The following TMIGD3 variants were observed in gnomAD, a reference collection of about 807,000 sequenced individuals.
TMIGD3 encodes the protein AD026 protein (AD026).
A neutral mutation model predicts 28.1 loss-of-function variants in TMIGD3; 21 were observed. That is an observed-to-expected ratio of 0.75 (90% confidence interval 0.53 to 1.08). The LOEUF (loss-of-function observed/expected upper bound fraction) is 1.08. Among genes scored for constraint, TMIGD3 ranks in the 50% least tolerant of loss-of-function variants. The probability of loss-of-function intolerance (pLI) is 0.00; values close to 1 mark genes in which losing one functional copy is unlikely to be tolerated. For missense variants in TMIGD3, 416 were observed against 435.6 expected, an observed-to-expected ratio of 0.96 and a Z score of 0.40; for synonymous variants, 151 against 162.1, an observed-to-expected ratio of 0.93 and a Z score of 0.52.
At chr1:111,506,136 A>G (rs1655482026), upstream of TMIGD3, among the ~76,000 whole-genome samples, 1 of 152,194 alleles carries the variant, frequency 6.6e-6, no homozygotes, top group Admixed American at 6.5e-5. Flanking sequence ...CTCTGGGACC[A>G]CACTGTGCTG....
intron 1 of TMIGD3, among the ~76,000 whole-genome samples, chr1:111,502,778 C>G (rs1230776119): frequency 6.6e-6 from 1 of 151,914 alleles, no homozygotes; most frequent in Admixed American, 6.6e-5. Flanking sequence ...GCACCCACCC[C>G]TAGTCAGTGG....
At chr1:111,500,382 G>A (rs1437525575) in intron 1 of TMIGD3, 1 of 1,614,222 alleles carries the variant, frequency 6.2e-7, no homozygotes, top group Non-Finnish European at 8.5e-7. Flanking sequence ...ATACCATGTA[G>A]TCCATTCTCA....
At chr1:111,495,930 C>G (rs1000805389) in intron 1 of TMIGD3, among the ~76,000 whole-genome samples, 3 of 152,134 alleles carry the variant, frequency 2.0e-5, no homozygotes, top group Non-Finnish European at 4.4e-5. Flanking sequence ...TGCATGTCCT[C>G]CCTTATAAGT....
At chr1:111,522,605 C>G (rs1656111839) in intron 1 of TMIGD3, among the ~76,000 whole-genome samples, 1 of 151,832 alleles carries the variant, frequency 6.6e-6, no homozygotes, top group African/African-American at 2.4e-5. Context: ...CAACCTCCAC[C>G]TCCTGGGTTC....
chr1:111,503,246 C>T lies in TMIGD3; in HGVS notation c.109G>A (p.Val37Ile), dbSNP rs140736286. ...IVGNVLVICVVKLNPSLQTTT... is the reference protein window; with the variant it reads ...IVGNVLVICVIKLNPSLQTTT... ...GTCTGCAGGCTGGGGTTCAGCTTGACCACGCAGATGACCAGCACGTTGCCC... is the reference window on the plus strand; with the variant it reads ...GTCTGCAGGCTGGGGTTCAGCTTGATCACGCAGATGACCAGCACGTTGCCC... The change falls in exon 1 of 6, where the codon GTC (valine) becomes ATC (isoleucine). Residue 37 changes from valine to isoleucine, a missense_variant. Coordinates refer to ENST00000369716, the MANE Select transcript of TMIGD3 (RefSeq NM_020683.7). The T allele has an allele frequency of 4.3e-6, 7 of 1,614,104 alleles. No individual in the cohort carries two copies. The African/African-American group carries it at 8.0e-5, about 18-fold the overall frequency.
intron 1 of TMIGD3, among the ~76,000 whole-genome samples, chr1:111,524,441 T>TG (rs1306007404): frequency 2.0e-5 from 3 of 152,216 alleles, no homozygotes; most frequent in African/African-American, 7.2e-5. Context: ...TCTACCACAC[T>TG]GGGTGAAATA....
intron 1 of TMIGD3, among the ~76,000 whole-genome samples, chr1:111,533,377 A>C (rs1656518358): frequency 6.6e-6 from 1 of 152,246 alleles, no homozygotes; most frequent in South Asian, 2.1e-4. Context: ...AATTGTAAAC[A>C]AGTAATAAAA....
chr1:111,558,921 A>G (rs995255386), intron 1 of TMIGD3, among the ~76,000 whole-genome samples: 4 of 152,200 alleles, frequency 2.6e-5, no homozygotes, highest in Non-Finnish European at 2.9e-5. Context: ...AAACGTAGTA[A>G]CAAGTGAAAA....
At chr1:111,536,956 C>T (rs1399593049) in intron 1 of TMIGD3, among the ~76,000 whole-genome samples, 1 of 152,204 alleles carries the variant, frequency 6.6e-6, no homozygotes, top group Non-Finnish European at 1.5e-5. Context: ...AACATTGCAC[C>T]AGTCATGCCA....
At position 111,485,653 on chromosome 1, in the gene TMIGD3, C is replaced by G. The variant is rs113975311; in HGVS notation, c.973+87G>C. The G allele has an allele frequency of 1.9e-3, 2,007 of 1,053,922 alleles. 17 individuals carry two copies. The Middle Eastern group carries it at 0.02, about 10-fold the overall frequency. The allele number at this position is 1,053,922 out of a possible 1,614,324, so 65.3% of individuals were successfully genotyped here. A position where few individuals can be genotyped will look rare whatever the true frequency, so the allele number is the denominator to read the frequency against. ...GGTGACCAGGCAATATGAAGAGGCT[C>G]TCATTCACTCATTTGAAATCTGCTC... On this transcript the variant is annotated intron_variant, in intron 5 of 5. Transcript: ENST00000369716.
chr1:111,514,043 C>T (rs1655779681), intron 1 of TMIGD3, among the ~76,000 whole-genome samples: 2 of 152,212 alleles, frequency 1.3e-5, no homozygotes, highest in African/African-American at 4.8e-5. Flanking sequence ...GGCCTCACAA[C>T]CCCGTCCCTT....
At chr1:111,507,031 GTGTGTGTGTATATA>G (rs1232740164), upstream of TMIGD3, among the ~76,000 whole-genome samples, 4 of 35,664 alleles carry the variant, frequency 1.1e-4, no homozygotes, top group Non-Finnish European at 1.7e-4. Flanking sequence ...GTGTGTGTGT[GTGTGTGTGTATATA>G]TATATATATA....
chr1:111,527,308 G>A (rs972333124), intron 1 of TMIGD3, among the ~76,000 whole-genome samples: 1 of 152,044 alleles, frequency 6.6e-6, no homozygotes, highest in African/African-American at 2.4e-5. Flanking sequence ...CACCGCGCCT[G>A]ACCCTCCATG....
chr1:111,505,533 AGAG>A (rs1299116855), upstream of TMIGD3, among the ~76,000 whole-genome samples: 1 of 152,228 alleles, frequency 6.6e-6, no homozygotes, highest in African/African-American at 2.4e-5. Context: ...ATTTGAGAAC[AGAG>A]GAGAAGGACT....
chr1:111,556,208 C>T (rs1410838768), intron 1 of TMIGD3, among the ~76,000 whole-genome samples: 1 of 151,766 alleles, frequency 6.6e-6, no homozygotes, highest in African/African-American at 2.4e-5. Flanking sequence ...CAAATAAAAC[C>T]CACAATGAGA....
chr1:111,538,315 G>A (rs1656709458), intron 1 of TMIGD3, among the ~76,000 whole-genome samples: 1 of 152,212 alleles, frequency 6.6e-6, no homozygotes, highest in Non-Finnish European at 1.5e-5. Flanking sequence ...AGGGGCATTT[G>A]AGCTGGGAAG....
At position 111,483,348 on chromosome 1, in the gene TMIGD3, T is replaced by C. The variant is rs556029331; in HGVS notation, c.*339A>G. The C allele has an allele frequency of 3.7e-6, 1 of 273,246 alleles. No individual in the cohort carries two copies. Among genetic ancestry groups the C allele is most frequent in the Non-Finnish European group, 7.1e-6 (1 of 141,838 alleles). 16.9% of individuals were successfully genotyped at this position (273,246 alleles called of 1,614,324 possible). On this transcript the variant is annotated 3_prime_UTR_variant, in exon 6 of 6. Transcript: ENST00000369716. Reference sequence around the variant, plus strand: ...AGAAGAAGTTACTCATACCTTGGAGTTCATTCAACACTGGCTAGGAATTTA... The same window carrying C: ...AGAAGAAGTTACTCATACCTTGGAGCTCATTCAACACTGGCTAGGAATTTA...
Position 111,488,930 on chromosome 1 carries a change from G to C in TMIGD3, c.552C>G (p.Pro184=), listed in dbSNP as rs1654519410. Residue 184 remains proline, a synonymous_variant, in exon 3 of 6, where the codon CCC becomes CCG. Coordinates refer to ENST00000369716, the MANE Select transcript of TMIGD3 (RefSeq NM_020683.7). ...GGAAATAGCCTCGGCACCAGTATTT[G>C]GGGTGATTCTTGTAGTGGGCATTGT... ...CNYNAHYKNH[P]KYWCRGYFRD... 1 of 1,614,088 alleles carries C rather than the reference G, an allele frequency of 6.2e-7. No individual in the cohort carries two copies. Among genetic ancestry groups the C allele is most frequent in the African/African-American group, 1.3e-5 (1 of 74,924 alleles).
At chr1:111,517,007 G>T (rs556081636) in intron 1 of TMIGD3, among the ~76,000 whole-genome samples, 1 of 152,262 alleles carries the variant, frequency 6.6e-6, no homozygotes, top group African/African-American at 2.4e-5. Flanking sequence ...GGTTCTGCTG[G>T]CTTCTCAGTC....
Sources: gnomAD v4.1 joint callset for allele counts (sites outside exome capture counted in the v4.1 genomes callset) on GRCh38, gnomAD v4.1.1 for gene constraint, MANE v1.5 for transcripts, NCBI Gene and HGNC (gene_info 2026-07-23, HGNC 2026-07-21) for gene names.